The following PTCHD4 variants were observed in gnomAD, a reference collection of about 807,000 sequenced individuals.
The protein encoded by PTCHD4 is patched domain containing 4, also known as patched domain-containing protein 4.
PTCHD4 carries 33 observed loss-of-function variants against 58.1 expected under a neutral mutation model. That is an observed-to-expected ratio of 0.57 (90% confidence interval 0.43 to 0.76). The LOEUF is 0.76. PTCHD4 is among the 30% of genes least tolerant of loss of function. The pLI is 0.00. For missense variants in PTCHD4, 1,058 were observed against 1,027.1 expected, an observed-to-expected ratio of 1.03 and a Z score of -0.41; for synonymous variants, 478 against 409.6, an observed-to-expected ratio of 1.17 and a Z score of -2.02.
At chr6:47,891,045 T>TAAA (rs59150823) in intron 4 of PTCHD4, 6 of 125,990 alleles carry the variant, frequency 4.8e-5, no homozygotes, top group Non-Finnish European at 4.9e-5. Flanking sequence ...TTGCATCAAC[T>TAAA]AAAAAAAAAA....
At chr6:47,898,993 C>T (rs555370321) in intron 4 of PTCHD4, among the ~76,000 whole-genome samples, 1 of 152,266 alleles carries the variant, frequency 6.6e-6, no homozygotes, top group South Asian at 2.1e-4. Flanking sequence ...AAATGGAAGG[C>T]TTTCCTCTTA....
intron 3 of PTCHD4, among the ~76,000 whole-genome samples, chr6:48,046,688 T>A (rs984622155): frequency 6.6e-5 from 10 of 151,854 alleles, no homozygotes; most frequent in African/African-American, 2.4e-4. Context: ...GTTTGTTTAA[T>A]AATACATATC....
intron 4 of PTCHD4, among the ~76,000 whole-genome samples, chr6:47,928,085 T>C (rs529113267): frequency 2.6e-5 from 4 of 152,318 alleles, no homozygotes; most frequent in Non-Finnish European, 2.9e-5. Context: ...TTGTGGCCCA[T>C]GTGAGGCGTG....
chr6:48,020,530 C>A (rs1763029547), intron 3 of PTCHD4, among the ~76,000 whole-genome samples: 2 of 151,306 alleles, frequency 1.3e-5, no homozygotes, highest in South Asian at 2.1e-4. Context: ...ACCGTAATTA[C>A]TTTTGCACCA....
chr6:48,107,537 T>A (rs1039380152), intron 1 of PTCHD4, among the ~76,000 whole-genome samples: 9 of 152,014 alleles, frequency 5.9e-5, no homozygotes, highest in Admixed American at 2.6e-4. Context: ...GACATAGGCA[T>A]GGGCAAGGAC....
At chr6:48,072,726 A>G (rs1474597914) in intron 1 of PTCHD4, among the ~76,000 whole-genome samples, 1 of 152,142 alleles carries the variant, frequency 6.6e-6, no homozygotes, top group African/African-American at 2.4e-5. Context: ...AACTATCTGC[A>G]TCTATATTAA....
In PTCHD4 at chr6:48,101,833, T is replaced by A. The variant is rs143831449; in HGVS notation, c.-970+9216A>T. 2.1e-3 allele frequency among the ~76,000 whole-genome samples: 321 copies of A among 152,298 alleles called. 1 individual carries two copies. The highest frequency in any genetic ancestry group is 6.6e-3 in the African/African-American group (274 of 41,566). ...CTTTTTCCTCCCCTAATTCTTTTAC[T>A]CCTTCTCTCCTTCTAGCTAATCAGG... On this transcript the variant is annotated intron_variant, in intron 1 of 4. Coordinates refer to ENST00000339488, the MANE Select transcript of PTCHD4 (RefSeq NM_001384253.1).
At chr6:47,953,032 G>T (rs930534129) in intron 4 of PTCHD4, among the ~76,000 whole-genome samples, 5 of 147,520 alleles carry the variant, frequency 3.4e-5, no homozygotes, top group Non-Finnish European at 7.4e-5. Context: ...GAACATTGAA[G>T]AATACTAAAC....
rs796908728 is a variant in PTCHD4, at chr6:47,965,157, TA to T, written c.898+43476del. Among the ~76,000 whole-genome samples the T allele has an allele frequency of 4.7e-4, 72 of 152,270 alleles. 1 individual carries two copies. The highest frequency in any genetic ancestry group is 1.2e-3 in the African/African-American group (50 of 41,560). Reference sequence around the variant, plus strand: ...TACTAACGGGAAAAATGTTTTCAAATAAAAAAATTCCTCAGTGTAATTTCCC... The same window carrying T: ...TACTAACGGGAAAAATGTTTTCAAATAAAAAATTCCTCAGTGTAATTTCCC... On this transcript the variant is annotated intron_variant, in intron 4 of 4. Coordinates refer to ENST00000339488, the MANE Select transcript of PTCHD4 (RefSeq NM_001384253.1).
intron 4 of PTCHD4, among the ~76,000 whole-genome samples, chr6:47,954,938 G>A (rs1312283752): frequency 6.6e-6 from 1 of 152,150 alleles, no homozygotes; most frequent in African/African-American, 2.4e-5. Flanking sequence ...CATGTTGTGA[G>A]GAAGTTCAAG....
At position 47,998,679 on chromosome 6, in the gene PTCHD4, C is replaced by T. The variant is rs113131258; in HGVS notation, c.898+9955G>A. Reference sequence around the variant, plus strand: ...AATAAAAAGTACACACTAGTCAATGCTACCTCAAATGCTTGACATAAAATT... The same window carrying T: ...AATAAAAAGTACACACTAGTCAATGTTACCTCAAATGCTTGACATAAAATT... On this transcript the variant is annotated intron_variant, in intron 4 of 4. Coordinates refer to ENST00000339488, the MANE Select transcript of PTCHD4 (RefSeq NM_001384253.1). Among the ~76,000 whole-genome samples the T allele has an allele frequency of 2.3e-3, 349 of 152,230 alleles. 2 individuals are homozygous for T. The highest frequency in any genetic ancestry group is 8.1e-3 in the African/African-American group (335 of 41,540).
intron 4 of PTCHD4, among the ~76,000 whole-genome samples, chr6:47,931,462 T>C (rs1765819536): frequency 6.6e-6 from 1 of 152,148 alleles, no homozygotes; most frequent in Non-Finnish European, 1.5e-5. Context: ...GGGTTTCAAA[T>C]GGCAGCTGAA....
Position 47,875,166 on chromosome 6 carries a change from C to T in PTCHD4, c.*3137G>A, listed in dbSNP as rs1763815229. ...TATTACACAAAGCTAACATATTTCC[C>T]ACAAATTTCTTCTCTTCTAGGAGTT... On this transcript the variant is annotated 3_prime_UTR_variant, in exon 5 of 5. Transcript: ENST00000339488. 1.3e-5 allele frequency among the ~76,000 whole-genome samples: 2 copies of T among 151,802 alleles called. No individual in the cohort carries two copies. Among genetic ancestry groups the T allele is most frequent in the Non-Finnish European group, 2.9e-5 (2 of 67,856 alleles).
At chr6:47,892,315 G>C (rs560367346) in intron 4 of PTCHD4, among the ~76,000 whole-genome samples, 1 of 152,164 alleles carries the variant, frequency 6.6e-6, no homozygotes, top group East Asian at 1.9e-4. Context: ...ATAAATACAA[G>C]AACTTGCAGA....
In PTCHD4 at chr6:47,985,622, G is replaced by A. The variant is rs527723324; in HGVS notation, c.898+23012C>T. ...GTTTTAATTAAATAAAATTCATGCC[G>A]ATTCAATTGCTATTTGTATTATATA... On this transcript the variant is annotated intron_variant, in intron 4 of 4. Coordinates refer to ENST00000339488, the MANE Select transcript of PTCHD4 (RefSeq NM_001384253.1). 2.9e-4 allele frequency among the ~76,000 whole-genome samples: 44 copies of A among 152,004 alleles called. No homozygotes were observed. In the South Asian group the frequency reaches 8.1e-3, roughly 28 times the overall value.
intron 4 of PTCHD4, among the ~76,000 whole-genome samples, chr6:47,971,524 C>G (rs1164874475): frequency 6.6e-6 from 1 of 152,128 alleles, no homozygotes; most frequent in Non-Finnish European, 1.5e-5. Context: ...AAATTGGCAC[C>G]TGGTACTATA....
At chr6:48,085,252 T>C (rs1765241215) in intron 1 of PTCHD4, among the ~76,000 whole-genome samples, 2 of 152,198 alleles carry the variant, frequency 1.3e-5, no homozygotes, top group South Asian at 2.1e-4. Context: ...TTACAAGCTT[T>C]GTAAATTTAT....
chr6:48,016,702 C>T (rs1762880417), intron 3 of PTCHD4, among the ~76,000 whole-genome samples: 2 of 151,976 alleles, frequency 1.3e-5, no homozygotes, highest in South Asian at 4.1e-4. Context: ...TTAAAAATTA[C>T]TCCCACTCAA....
Position 48,079,327 on chromosome 6 carries a change from T to C in PTCHD4, c.-969-9401A>G, listed in dbSNP as rs561381334. Among the ~76,000 whole-genome samples the C allele has an allele frequency of 7.9e-5, 12 of 152,108 alleles. No individual in the cohort carries two copies. In the South Asian group the frequency reaches 2.1e-3, roughly 26 times the overall value. ...TCCCTGACAATTCTCCCATCAGAGTTTGACAAATTAAAGAATTTTATGAAG... is the reference window on the plus strand; with the variant it reads ...TCCCTGACAATTCTCCCATCAGAGTCTGACAAATTAAAGAATTTTATGAAG... On this transcript the variant is annotated intron_variant, in intron 1 of 4. Coordinates refer to ENST00000339488, the MANE Select transcript of PTCHD4 (RefSeq NM_001384253.1).
Sources: gnomAD v4.1 joint callset for allele counts (sites outside exome capture counted in the v4.1 genomes callset) on GRCh38, gnomAD v4.1.1 for gene constraint, MANE v1.5 for transcripts, NCBI Gene and HGNC (gene_info 2026-07-23, HGNC 2026-07-21) for gene names.